The following NAALADL2 variants were observed in gnomAD, a reference collection of about 807,000 sequenced individuals.
NAALADL2 encodes N-acetylated alpha-linked acidic dipeptidase like 2.
Under a neutral mutation model 87.2 loss-of-function variants are expected in NAALADL2, and 76 were observed. The ratio of observed to expected loss-of-function variants is 0.87; its 90% CI spans 0.72 to 1.05. The LOEUF (loss-of-function observed/expected upper bound fraction) is 1.05, where lower values mean the gene tolerates loss of function less well. Among genes scored for constraint, NAALADL2 ranks in the 50% least tolerant of loss-of-function variants. The pLI is 0.00. For missense variants in NAALADL2, 1,089 were observed against 945.8 expected (o/e 1.15, Z -1.99); for synonymous variants, 354 against 331.0 (o/e 1.07, Z -0.75).
chr3:175,063,302 G>C (rs1037922369), intron 1 of NAALADL2, among the ~76,000 whole-genome samples: 1 of 152,012 alleles, frequency 6.6e-6, no homozygotes, highest in African/African-American at 2.4e-5. Flanking sequence ...CAATTGATTT[G>C]ATAAATATGT....
chr3:175,097,402 G>A (rs1346997469), intron 2 of NAALADL2, 111 bp downstream of exon 2: 1 of 953,574 alleles, frequency 1.0e-6, no homozygotes, highest in Non-Finnish European at 1.6e-6. Flanking sequence ...TGCAAGCTGA[G>A]AAACATATCA....
At chr3:175,052,747 T>G (rs530689941) in intron 1 of NAALADL2, among the ~76,000 whole-genome samples, 4 of 152,366 alleles carry the variant, frequency 2.6e-5, no homozygotes, top group African/African-American at 7.2e-5. Context: ...CTTTCCCAAA[T>G]TTTGATCTTA....
intron 2 of NAALADL2, among the ~76,000 whole-genome samples, chr3:175,102,920 C>G (rs1722463224): frequency 6.6e-6 from 1 of 151,896 alleles, no homozygotes; most frequent in African/African-American, 2.4e-5. Flanking sequence ...CCATCCTGGC[C>G]AACATGGTGA....
At chr3:174,478,705 C>T (rs2108324835) in intron 1 of NAALADL2, among the ~76,000 whole-genome samples, 1 of 151,602 alleles carries the variant, frequency 6.6e-6, no homozygotes, top group East Asian at 1.9e-4. Context: ...TTTGTATGTC[C>T]AGTTTTTGTT....
At chr3:175,300,160 T>C (rs1484418271) in intron 4 of NAALADL2, among the ~76,000 whole-genome samples, 2 of 152,220 alleles carry the variant, frequency 1.3e-5, no homozygotes, top group Non-Finnish European at 2.9e-5. Flanking sequence ...GTGGATAAGC[T>C]TTTTAATGTG....
At chr3:174,677,268 C>CT (rs1290337177) in intron 2 of NAALADL2, among the ~76,000 whole-genome samples, 1 of 151,862 alleles carries the variant, frequency 6.6e-6, no homozygotes, top group African/African-American at 2.4e-5. Context: ...CACTTTTGGA[C>CT]TTTAACATCA....
chr3:175,126,856 CT>C (rs201786673), intron 2 of NAALADL2, among the ~76,000 whole-genome samples: 67,696 of 140,168 alleles, frequency 0.48, 15,964 homozygotes, highest in East Asian at 0.54. Flanking sequence ...TTCAAGCTAC[CT>C]TTTTTTTTTT....
intron 13 of NAALADL2, among the ~76,000 whole-genome samples, chr3:175,763,358 C>G (rs559889794): frequency 6.6e-6 from 1 of 152,218 alleles, no homozygotes; most frequent in East Asian, 1.9e-4. Flanking sequence ...TAAAAAAATG[C>G]TTCTTCCTAG....
At chr3:175,343,677 C>CTTT (rs1560398617) in intron 5 of NAALADL2, among the ~76,000 whole-genome samples, 1 of 78,882 alleles carries the variant, frequency 1.3e-5, no homozygotes, top group Admixed American at 1.6e-4. Context: ...TTTTTTTTTT[C>CTTT]CCTTCCCACT....
intron 9 of NAALADL2, among the ~76,000 whole-genome samples, chr3:175,523,169 T>C (rs953660919): frequency 4.6e-5 from 7 of 152,322 alleles, no homozygotes; most frequent in Admixed American, 2.0e-4. Context: ...ATAGGGGTGA[T>C]GTTGCCGCCT....
chr3:175,120,427 G>C (rs1027957824), intron 2 of NAALADL2, among the ~76,000 whole-genome samples: 15 of 151,656 alleles, frequency 9.9e-5, no homozygotes, highest in Non-Finnish European at 1.9e-4. Context: ...TACTCCTTTG[G>C]GACCTGTTAT....
At chr3:175,461,854 A>T (rs1316416326) in intron 6 of NAALADL2, among the ~76,000 whole-genome samples, 1 of 152,130 alleles carries the variant, frequency 6.6e-6, no homozygotes, top group Non-Finnish European at 1.5e-5. Flanking sequence ...ACAAACAAAC[A>T]TATGAGCCCA....
intron 9 of NAALADL2, among the ~76,000 whole-genome samples, chr3:175,521,245 A>G (rs931391879): frequency 2.6e-5 from 4 of 152,008 alleles, no homozygotes; most frequent in African/African-American, 9.7e-5. Context: ...GATTTCTTAC[A>G]ATCTGAATAA....
At chr3:175,501,136 G>A (rs868251026) in intron 9 of NAALADL2, among the ~76,000 whole-genome samples, 1 of 152,102 alleles carries the variant, frequency 6.6e-6, no homozygotes, top group Non-Finnish European at 1.5e-5. Flanking sequence ...AAGAGAACAT[G>A]AGTCAGATAT....
chr3:174,633,096 C>A (rs517875), intron 2 of NAALADL2, among the ~76,000 whole-genome samples: 107,475 of 151,814 alleles, frequency 0.71, 39,634 homozygotes, highest in East Asian at 0.95. Context: ...GATCATGGAA[C>A]TAGCATGTGA....
chr3:174,929,390 T>C (rs1164549648), intron 1 of NAALADL2, among the ~76,000 whole-genome samples: 1 of 152,190 alleles, frequency 6.6e-6, no homozygotes, highest in African/African-American at 2.4e-5. Context: ...AGTGCTCTGA[T>C]GTTTTCTTCT....
chr3:174,507,932 GTTGAAGTAA>G (rs897604787), intron 1 of NAALADL2, among the ~76,000 whole-genome samples: 9 of 151,936 alleles, frequency 5.9e-5, no homozygotes, highest in African/African-American at 2.2e-4. Flanking sequence ...AGATTGATGA[GTTGAAGTAA>G]GTATATGTTT....
chr3:175,369,230 G>A (rs1163717602), intron 5 of NAALADL2, among the ~76,000 whole-genome samples: 2 of 152,030 alleles, frequency 1.3e-5, no homozygotes, highest in Non-Finnish European at 2.9e-5. Flanking sequence ...TATGTAGCAA[G>A]TATGTGTGTG....
chr3:174,551,319 TC>T (rs1440538540), intron 2 of NAALADL2: 2 of 152,172 alleles, frequency 1.3e-5, no homozygotes, highest in Non-Finnish European at 2.9e-5. Flanking sequence ...TGTAAAAACA[TC>T]CCCCAAGCTA....
Sources: gnomAD v4.1 joint callset for allele counts (sites outside exome capture counted in the v4.1 genomes callset) on GRCh38, gnomAD v4.1.1 for gene constraint, MANE v1.5 for transcripts, NCBI Gene and HGNC (gene_info 2026-07-23, HGNC 2026-07-21) for gene names.